MEIS2: variants seen among roughly 807,000 people sequenced by gnomAD.
MEIS2 encodes the protein homeobox protein Meis2.
MEIS2 carries 9 observed loss-of-function variants against 58.6 expected under a neutral mutation model. That is an observed-to-expected ratio of 0.15 (90% CI 0.09 to 0.27). The LOEUF (loss-of-function observed/expected upper bound fraction) is 0.27. MEIS2 is among the 10% of genes least tolerant of loss of function. MEIS2 has a pLI of 1.00. For synonymous variants in MEIS2, 221 were observed against 228.4 expected (o/e 0.97, Z 0.29); for missense variants, 427 against 635.0 (o/e 0.67, Z 3.52).
At chr15:36,970,220 G>A (rs1298823720) in intron 8 of MEIS2, among the ~76,000 whole-genome samples, 1 of 152,068 alleles carries the variant, frequency 6.6e-6, no homozygotes, top group Non-Finnish European at 1.5e-5. Flanking sequence ...TGGCTAACAT[G>A]GTGAAACCCC....
chr15:36,983,770 C>A (rs1442925067), intron 8 of MEIS2, among the ~76,000 whole-genome samples: 4 of 152,052 alleles, frequency 2.6e-5, no homozygotes, highest in African/African-American at 9.7e-5. Context: ...TACTTCCAAT[C>A]CATGAACACA....
intron 8 of MEIS2, among the ~76,000 whole-genome samples, chr15:37,010,431 G>A (rs2061103086): frequency 6.6e-6 from 1 of 152,098 alleles, no homozygotes; most frequent in African/African-American, 2.4e-5. Context: ...ACCCCAGGCT[G>A]GAGTGCAGTG....
At position 36,907,006 on chromosome 15, in the gene MEIS2, T is replaced by C. The variant is rs546650234; in HGVS notation, c.978-10320A>G. ...AGGCCAATGATAATTACATACATGT[T>C]ACACTGGGTGTTGCTACACAAATTA... On this transcript the variant is annotated intron_variant, in intron 9 of 11. Transcript: ENST00000561208. Among the ~76,000 whole-genome samples, 11 of 152,340 alleles carry C rather than the reference T, an allele frequency of 7.2e-5. No homozygotes were observed. The South Asian group carries it at 2.3e-3, about 32-fold the overall frequency.
At chr15:37,095,666 A>G (rs2140094019) in intron 3 of MEIS2, 52 bp from the exon 4 acceptor site, 1 of 1,613,850 alleles carries the variant, frequency 6.2e-7, no homozygotes, top group Non-Finnish European at 8.5e-7. Context: ...AAAATAAGAA[A>G]GCTGAAATGT....
chr15:37,016,360 T>C (rs1003218041), intron 8 of MEIS2, among the ~76,000 whole-genome samples: 1 of 152,094 alleles, frequency 6.6e-6, no homozygotes. Flanking sequence ...CTACATTTTC[T>C]TTTTCCTGGT....
At chr15:36,996,024 TATATATATACACACACACAC>T (rs2060505811) in intron 8 of MEIS2, among the ~76,000 whole-genome samples, 1 of 87,732 alleles carries the variant, frequency 1.1e-5, no homozygotes, top group Non-Finnish European at 2.5e-5. Flanking sequence ...TACATATGTG[TATATATATACACACACACAC>T]ACATATATAT....
intron 8 of MEIS2, among the ~76,000 whole-genome samples, chr15:37,035,599 G>T (rs1595978016): frequency 1.3e-5 from 2 of 152,192 alleles, no homozygotes; most frequent in African/African-American, 4.8e-5. Flanking sequence ...TGCAAGGCAA[G>T]AATAACCACT....
At chr15:36,918,426 T>G (rs2057368215) in intron 9 of MEIS2, among the ~76,000 whole-genome samples, 1 of 152,214 alleles carries the variant, frequency 6.6e-6, no homozygotes, top group African/African-American at 2.4e-5. Flanking sequence ...TGAAGTCCAA[T>G]TTGTATTGTA....
At chr15:36,951,325 T>C (rs1240528461) in intron 8 of MEIS2, among the ~76,000 whole-genome samples, 1 of 152,168 alleles carries the variant, frequency 6.6e-6, no homozygotes, top group Non-Finnish European at 1.5e-5. Flanking sequence ...CTGCTCTAAA[T>C]TCACTGATTT....
Position 37,096,443 on chromosome 15 carries a change from G to C in MEIS2, c.246-13C>G. On this transcript the variant is annotated splice_polypyrimidine_tract_variant and intron_variant, in intron 2 of 11. Transcript: ENST00000561208. The stretch of plus-strand genomic sequence containing the variant: ...AAACAACGGGTGCCTAACGGGCAGC[G>C]CCACGCAGAGACACACACACAGAGA... The C allele has an allele frequency of 6.2e-7, 1 of 1,611,120 alleles. No individual in the cohort carries two copies. The highest frequency in any genetic ancestry group is 8.5e-7 in the Non-Finnish European group (1 of 1,178,556).
At chr15:36,921,917 C>G (rs941331552) in intron 9 of MEIS2, among the ~76,000 whole-genome samples, 1 of 152,154 alleles carries the variant, frequency 6.6e-6, no homozygotes, top group African/African-American at 2.4e-5. Context: ...CGAGGGCTTC[C>G]GTGTGGGAAA....
At chr15:36,909,450 T>A (rs2056897143) in intron 9 of MEIS2, among the ~76,000 whole-genome samples, 1 of 152,162 alleles carries the variant, frequency 6.6e-6, no homozygotes, top group African/African-American at 2.4e-5. Context: ...TAACTTAGAA[T>A]TGAGAATAAA....
intron 11 of MEIS2, chr15:36,894,597 C>G (rs1044666560): frequency 5.4e-5 from 39 of 721,990 alleles, no homozygotes; most frequent in Admixed American, 8.4e-5. Context: ...AAAAACAGGT[C>G]CTTAGTTTGG....
chr15:37,037,462 A>C (rs1405373910), intron 7 of MEIS2, among the ~76,000 whole-genome samples: 1 of 151,976 alleles, frequency 6.6e-6, no homozygotes, highest in Non-Finnish European at 1.5e-5. Flanking sequence ...ACATTCGCAC[A>C]CTTCTCATAT....
At chr15:36,944,781 G>A (rs2058500904) in intron 9 of MEIS2, among the ~76,000 whole-genome samples, 1 of 152,034 alleles carries the variant, frequency 6.6e-6, no homozygotes, top group Non-Finnish European at 1.5e-5. Flanking sequence ...GGCCGCGGTG[G>A]AAATTGCTGA....
intron 8 of MEIS2, chr15:36,972,938 T>C (rs538302144): frequency 6.6e-6 from 1 of 152,316 alleles, no homozygotes; most frequent in Admixed American, 6.5e-5. Flanking sequence ...TTGTATGGGC[T>C]GACTGAACAA....
intron 9 of MEIS2, among the ~76,000 whole-genome samples, chr15:36,947,992 C>G (rs1376515781): frequency 6.6e-6 from 1 of 151,926 alleles, no homozygotes; most frequent in Non-Finnish European, 1.5e-5. Flanking sequence ...TTGGGCCCTA[C>G]ATTAAATTCT....
chr15:37,092,447 T>G (rs1893640557), intron 6 of MEIS2, among the ~76,000 whole-genome samples: 1 of 152,114 alleles, frequency 6.6e-6, no homozygotes, highest in Non-Finnish European at 1.5e-5. Flanking sequence ...AATGCCTGTT[T>G]AACTCACACG....
chr15:36,964,722 C>T (rs1307165706), intron 8 of MEIS2, among the ~76,000 whole-genome samples: 2 of 152,094 alleles, frequency 1.3e-5, no homozygotes, highest in Non-Finnish European at 2.9e-5. Flanking sequence ...ATTTAATACC[C>T]TAGTGGATAA....
Sources: allele counts gnomAD v4.1 joint callset (sites outside exome capture counted in the v4.1 genomes callset), GRCh38; gene constraint gnomAD v4.1.1; transcripts MANE v1.5; gene names NCBI Gene and HGNC (gene_info 2026-07-23, HGNC 2026-07-21).